SUCLG2: variants seen among roughly 807,000 people sequenced by gnomAD.
SUCLG2 encodes succinate-CoA ligase GDP-forming subunit beta.
Under a neutral mutation model 47.9 loss-of-function variants are expected in SUCLG2, and 42 were observed. That is an observed-to-expected ratio of 0.88 (90% CI 0.69 to 1.14). The LOEUF is 1.14. Among genes scored for constraint, SUCLG2 ranks in the 50% most tolerant of loss-of-function variants. The probability of loss-of-function intolerance (pLI) is 0.00; values close to 1 mark genes in which losing one functional copy is unlikely to be tolerated. For missense variants in SUCLG2, 571 were observed against 525.9 expected (o/e 1.09, Z -0.84); for synonymous variants, 195 against 197.3 (o/e 0.99, Z 0.10).
At chr3:67,446,968 A>C (rs1703943305) in intron 9 of SUCLG2, among the ~76,000 whole-genome samples, 1 of 152,188 alleles carries the variant, frequency 6.6e-6, no homozygotes, top group Non-Finnish European at 1.5e-5. Context: ...TTGAGGAAGA[A>C]AATGGTTAAA....
chr3:67,472,840 C>T (rs1472542772), intron 9 of SUCLG2, among the ~76,000 whole-genome samples: 11 of 152,004 alleles, frequency 7.2e-5, no homozygotes, highest in Non-Finnish European at 1.6e-4. Context: ...CTTCAAATTC[C>T]ATTTATAAAT....
chr3:67,639,082 G>C (rs531696043), intron 1 of SUCLG2, among the ~76,000 whole-genome samples: 1 of 152,180 alleles, frequency 6.6e-6, no homozygotes, highest in Non-Finnish European at 1.5e-5. Flanking sequence ...GAAAAGAAGA[G>C]CTGGCTTCAG....
At chr3:67,653,059 C>T (rs1210400334) in intron 1 of SUCLG2, among the ~76,000 whole-genome samples, 1 of 152,202 alleles carries the variant, frequency 6.6e-6, no homozygotes, top group Non-Finnish European at 1.5e-5. Flanking sequence ...TCCTGTGTTG[C>T]GTTCAGCCTC....
chr3:67,416,164 T>C (rs1193187433), intron 9 of SUCLG2, among the ~76,000 whole-genome samples: 1 of 152,174 alleles, frequency 6.6e-6, no homozygotes, highest in Non-Finnish European at 1.5e-5. Context: ...AGAACCAACC[T>C]ACAACCAAAA....
chr3:67,654,439 G>C (rs1302878610), intron 1 of SUCLG2, 64 bp downstream of exon 1: 1 of 1,185,666 alleles, frequency 8.4e-7, no homozygotes, highest in Non-Finnish European at 1.1e-6. Flanking sequence ...GTAGCAGGGG[G>C]CGAGGGAAGC....
intron 2 of SUCLG2, among the ~76,000 whole-genome samples, chr3:67,594,652 T>A (rs1233698824): frequency 1.3e-5 from 2 of 152,222 alleles, no homozygotes; most frequent in Admixed American, 1.3e-4. Context: ...CAAGCTCAAA[T>A]ATTCAAACTA....
chr3:67,534,198 G>C (rs1706475743), intron 2 of SUCLG2, among the ~76,000 whole-genome samples: 1 of 151,974 alleles, frequency 6.6e-6, no homozygotes. Flanking sequence ...TTTCATGTAA[G>C]TTTTAAATCT....
At chr3:67,632,045 A>T (rs972024053) in intron 1 of SUCLG2, among the ~76,000 whole-genome samples, 17 of 152,210 alleles carry the variant, frequency 1.1e-4, no homozygotes, top group African/African-American at 3.4e-4. Flanking sequence ...AGAATAATAC[A>T]GATTTCAGCC....
At chr3:67,503,072 T>C (rs1705543153) in intron 7 of SUCLG2, among the ~76,000 whole-genome samples, 1 of 152,184 alleles carries the variant, frequency 6.6e-6, no homozygotes, top group African/African-American at 2.4e-5. Context: ...ATAGCCTCGT[T>C]CATATTGCCT....
chr3:67,448,173 A>G (rs911726036), intron 9 of SUCLG2, among the ~76,000 whole-genome samples: 1 of 152,192 alleles, frequency 6.6e-6, no homozygotes, highest in Non-Finnish European at 1.5e-5. Flanking sequence ...TCCCCAAAAA[A>G]CTATGAATAA....
At chr3:67,421,038 C>G (rs1206997055) in intron 9 of SUCLG2, among the ~76,000 whole-genome samples, 5 of 152,110 alleles carry the variant, frequency 3.3e-5, no homozygotes, top group Admixed American at 6.6e-5. Flanking sequence ...TCATAAGTAT[C>G]AGGTCATTTC....
At chr3:67,478,303 A>G (rs1704820627) in intron 9 of SUCLG2, among the ~76,000 whole-genome samples, 1 of 152,216 alleles carries the variant, frequency 6.6e-6, no homozygotes, top group South Asian at 2.1e-4. Context: ...TTCCTCTAAT[A>G]ATGGATTAAC....
intron 1 of SUCLG2, among the ~76,000 whole-genome samples, chr3:67,621,991 T>C (rs541035099): frequency 2.0e-5 from 3 of 152,298 alleles, no homozygotes; most frequent in Admixed American, 6.5e-5. Flanking sequence ...TTATTTAATA[T>C]CAATCTCAGC....
rs148213121 is a variant in SUCLG2 at position 67,574,594 on chromosome 3, A to T, written c.226+34861T>A. ...TCACAGACTTAAATGTAAAAGCTAA[A>T]ATAATAAACTTTTACAAGAACATAC... is the stretch of plus-strand genomic sequence containing the variant. On this transcript the variant is annotated intron_variant, in intron 2 of 10. Transcript: ENST00000307227. Among the ~76,000 whole-genome samples the T allele has an allele frequency of 3.3e-5, 5 of 152,360 alleles. No individual in the cohort carries two copies. In the East Asian group the frequency reaches 9.6e-4, roughly 29 times the overall value.
chr3:67,586,372 A>G (rs943362482), intron 2 of SUCLG2, among the ~76,000 whole-genome samples: 1 of 152,178 alleles, frequency 6.6e-6, no homozygotes, highest in Admixed American at 6.5e-5. Context: ...ACTGCATGGG[A>G]CAAAATTTTC....
At chr3:67,633,136 T>C (rs1700954533) in intron 1 of SUCLG2, among the ~76,000 whole-genome samples, 3 of 152,206 alleles carry the variant, frequency 2.0e-5, no homozygotes, top group African/African-American at 7.2e-5. Flanking sequence ...TTAATGTGCT[T>C]AAGCCAGAAA....
chr3:67,471,620 A>G (rs1704606658), intron 9 of SUCLG2, among the ~76,000 whole-genome samples: 1 of 152,192 alleles, frequency 6.6e-6, no homozygotes, highest in East Asian at 1.9e-4. Flanking sequence ...CTGGGGGAGA[A>G]TACAAAAAGG....
At chr3:67,435,094 T>C (rs937690814) in intron 9 of SUCLG2, among the ~76,000 whole-genome samples, 36 of 152,176 alleles carry the variant, frequency 2.4e-4, no homozygotes, top group African/African-American at 8.4e-4. Context: ...GTGGGTAAAC[T>C]ACAGTAGGAC....
chr3:67,648,628 T>G (rs1232287878), intron 1 of SUCLG2, among the ~76,000 whole-genome samples: 1 of 152,208 alleles, frequency 6.6e-6, no homozygotes, highest in South Asian at 2.1e-4. Flanking sequence ...CCTGCAGTGA[T>G]GTTGTAAGGG....
Sources: allele counts gnomAD v4.1 joint callset (sites outside exome capture counted in the v4.1 genomes callset), GRCh38; gene constraint gnomAD v4.1.1; transcripts MANE v1.5; gene names NCBI Gene and HGNC (gene_info 2026-07-23, HGNC 2026-07-21).